STAB2: variants seen among roughly 807,000 people sequenced by gnomAD.
STAB2 encodes stabilin-2.
STAB2 carries 288 observed loss-of-function variants against 338.1 expected under a neutral mutation model. That is an observed-to-expected ratio of 0.85 (90% confidence interval 0.77 to 0.94). The LOEUF is 0.94. Among genes scored for constraint, STAB2 ranks in the 40% least tolerant of loss-of-function variants. STAB2 has a pLI of 0.00. For missense variants in STAB2, 3,141 were observed against 3,210.1 expected, an observed-to-expected ratio of 0.98 and a Z score of 0.52; for synonymous variants, 1,202 against 1,193.3, an observed-to-expected ratio of 1.01 and a Z score of -0.15.
intron 3 of STAB2, among the ~76,000 whole-genome samples, chr12:103,616,711 G>A (rs1957216311): frequency 1.3e-5 from 2 of 152,162 alleles, no homozygotes; most frequent in African/African-American, 2.4e-5. Flanking sequence ...AACAAGAGAG[G>A]GAAATAGTTG....
rs558841388 is a variant in STAB2 at position 103,670,573 on chromosome 12, G to A, written c.2260-123G>A. ...GATATCACATGACTCCACTTTCCACGAGGAGTCCCAGAGGGTCATGTCAAG... is the reference window on the plus strand; with the variant it reads ...GATATCACATGACTCCACTTTCCACAAGGAGTCCCAGAGGGTCATGTCAAG... On this transcript the variant is annotated intron_variant, in intron 21 of 68. Transcript: ENST00000388887. The A allele has an allele frequency of 7.8e-5, 58 of 745,048 alleles. No homozygotes were observed. The East Asian group carries it at 1.3e-3, about 17-fold the overall frequency. The allele number at this position is 745,048 out of a possible 1,614,324, so 46.2% of individuals were successfully genotyped here. A position where few individuals can be genotyped will look rare whatever the true frequency, so the allele number is the denominator to read the frequency against.
intron 22 of STAB2, among the ~76,000 whole-genome samples, chr12:103,671,412 C>T (rs566100616): frequency 1.3e-5 from 2 of 152,160 alleles, no homozygotes; most frequent in East Asian, 3.9e-4. Flanking sequence ...GATTGAGCCA[C>T]TGCACTCCAG....
chr12:103,655,847 C>T (rs959342888), intron 15 of STAB2, among the ~76,000 whole-genome samples: 2 of 152,088 alleles, frequency 1.3e-5, no homozygotes, highest in African/African-American at 4.8e-5. Context: ...CAATCCCAGG[C>T]CTAAATGGTT....
chr12:103,685,638 C>T (rs1376182315), intron 27 of STAB2, among the ~76,000 whole-genome samples: 1 of 152,144 alleles, frequency 6.6e-6, no homozygotes, highest in African/African-American at 2.4e-5. Context: ...TGCCCAACAC[C>T]CTTCAGCTCC....
At chr12:103,711,699 C>T (rs1264123673) in intron 40 of STAB2, among the ~76,000 whole-genome samples, 183 bp downstream of exon 40, 3 of 152,184 alleles carry the variant, frequency 2.0e-5, no homozygotes, top group Admixed American at 2.0e-4. Context: ...CAGATCCAGG[C>T]TTTCTAACAA....
chr12:103,645,476 A>T (rs1391570751), intron 9 of STAB2, among the ~76,000 whole-genome samples: 2 of 152,258 alleles, frequency 1.3e-5, no homozygotes, highest in Non-Finnish European at 2.9e-5. Context: ...AAACTTTTAC[A>T]GAGAAACATA....
chr12:103,681,715 G>A (rs961670740), intron 25 of STAB2, among the ~76,000 whole-genome samples: 13 of 142,084 alleles, frequency 9.1e-5, no homozygotes, highest in African/African-American at 3.4e-4. Context: ...TCCACCTCCC[G>A]GGTTCAAGCG....
At chr12:103,651,348 C>G (rs923791452) in intron 11 of STAB2, among the ~76,000 whole-genome samples, 1 of 141,464 alleles carries the variant, frequency 7.1e-6, no homozygotes, top group Admixed American at 7.4e-5. Flanking sequence ...GAGCCTTGCT[C>G]TGTCACCCAA....
At chr12:103,668,856 G>A in intron 20 of STAB2, 127 bp downstream of exon 20, 1 of 768,590 alleles carries the variant, frequency 1.3e-6, no homozygotes, top group Non-Finnish European at 2.0e-6. Context: ...TCCTGCAGAG[G>A]AATCAAAGGT....
intron 28 of STAB2, among the ~76,000 whole-genome samples, chr12:103,688,872 ACACT>A (rs1452147642): frequency 3.9e-5 from 6 of 152,154 alleles, no homozygotes; most frequent in South Asian, 2.1e-4. Flanking sequence ...AACCCTGTTC[ACACT>A]CACTCACGAA....
At chr12:103,745,327 A>G (rs762421334) in intron 57 of STAB2, 50 bp downstream of exon 57, 1 of 1,549,986 alleles carries the variant, frequency 6.5e-7, no homozygotes, top group South Asian at 1.2e-5. Flanking sequence ...TGCAGTGGAC[A>G]CTGCCAAGAG....
At position 103,761,554 on chromosome 12, in the gene STAB2, C is replaced by T. The variant is rs553147676; in HGVS notation, c.7359+144C>T. On this transcript the variant is annotated intron_variant, in intron 66 of 68. Coordinates refer to ENST00000388887, the MANE Select transcript of STAB2 (RefSeq NM_017564.10). ...CTCCAGCCTCCAACCTCCAAGGTAG[C>T]TGGCCAGGACCGCCCAACCCTGCTT... 50 of 663,046 alleles carry T rather than the reference C, an allele frequency of 7.5e-5. No individual in the cohort carries two copies. In the South Asian group the frequency reaches 9.4e-4, roughly 12 times the overall value. 41.1% of individuals were successfully genotyped at this position (663,046 alleles called of 1,614,324 possible).
At chr12:103,608,912 C>T (rs549842562) in intron 3 of STAB2, among the ~76,000 whole-genome samples, 37 of 152,326 alleles carry the variant, frequency 2.4e-4, no homozygotes, top group Non-Finnish European at 4.9e-4. Context: ...TACGGCTAGC[C>T]AGTTTTCCCA....
chr12:103,596,388 CT>C (rs914767102), intron 3 of STAB2, among the ~76,000 whole-genome samples: 1 of 152,176 alleles, frequency 6.6e-6, no homozygotes, highest in African/African-American at 2.4e-5. Flanking sequence ...CAAAAGAACA[CT>C]GGGCCAGCAG....
chr12:103,611,517 C>CT (rs993247496), intron 3 of STAB2, among the ~76,000 whole-genome samples: 7 of 151,938 alleles, frequency 4.6e-5, no homozygotes, highest in Admixed American at 6.6e-5. Context: ...CAACCCCTGC[C>CT]TTTTTTTGTT....
At chr12:103,762,068 T>C (rs1015024848) in intron 66 of STAB2, among the ~76,000 whole-genome samples, 1 of 152,208 alleles carries the variant, frequency 6.6e-6, no homozygotes, top group Non-Finnish European at 1.5e-5. Context: ...ATAATAACTC[T>C]CCCTATCTCT....
rs756530949 is a variant in STAB2, at chr12:103,755,606, C to T, written c.6881-6C>T. ...GTGTGGGACCCTGTGTGCCTCTGCC[C>T]TCCAGATGTGAACTGCACCTGCAAG... On this transcript the variant is annotated splice_polypyrimidine_tract_variant and splice_region_variant and intron_variant, in intron 62 of 68. Transcript: ENST00000388887. The T allele has an allele frequency of 3.7e-6, 6 of 1,613,964 alleles. No individual in the cohort carries two copies. Among genetic ancestry groups the T allele is most frequent in the Non-Finnish European group, 5.1e-6 (6 of 1,180,008 alleles).
intron 48 of STAB2, among the ~76,000 whole-genome samples, chr12:103,729,282 C>T (rs1881454937): frequency 6.6e-6 from 1 of 152,080 alleles, no homozygotes; most frequent in Non-Finnish European, 1.5e-5. Context: ...GAAATAATCT[C>T]TACAACAAAC....
intron 5 of STAB2, among the ~76,000 whole-genome samples, chr12:103,631,121 C>T (rs10861061): frequency 0.21 from 32,116 of 151,930 alleles, 3,565 homozygotes; most frequent in South Asian, 0.41. Flanking sequence ...GAAAATATGG[C>T]ATGGTTATTC....
Sources: allele counts gnomAD v4.1 joint callset (sites outside exome capture counted in the v4.1 genomes callset), GRCh38; gene constraint gnomAD v4.1.1; transcripts MANE v1.5; gene names NCBI Gene and HGNC (gene_info 2026-07-23, HGNC 2026-07-21).